BICRA: variants seen among roughly 807,000 people sequenced by gnomAD.
BICRA encodes the protein BRD4-interacting chromatin-remodeling complex-associated protein.
In BICRA, 31 loss-of-function variants were observed where a neutral mutation model predicts 96.9. The ratio of observed to expected loss-of-function variants is 0.32; its 90% CI spans 0.24 to 0.43. The LOEUF (loss-of-function observed/expected upper bound fraction) is 0.43. BICRA is among the 20% of genes least tolerant of loss of function. The pLI, the probability that BICRA is intolerant of heterozygous loss-of-function variation, is 1.00. For synonymous variants in BICRA, 1,350 were observed against 1,071.8 expected (o/e 1.26, Z -5.07); for missense variants, 2,283 against 2,190.3 (o/e 1.04, Z -0.84).
At chr19:47,668,622 C>T (rs1057140507) in intron 1 of BICRA, among the ~76,000 whole-genome samples, 28 of 151,690 alleles carry the variant, frequency 1.8e-4, no homozygotes, top group African/African-American at 3.9e-4. Flanking sequence ...TGAGTAGGCA[C>T]GACTACAGGC....
Position 47,699,506 on chromosome 19 carries a change from C to G in BICRA, c.3595+101C>G. On this transcript the variant is annotated intron_variant, in intron 14 of 14. Coordinates refer to ENST00000594866, the MANE Select transcript of BICRA (RefSeq NM_001394372.1). This position sits in a 1 kb window ranked among gnomAD's most constrained non-coding sequence, Gnocchi z 5.0. ...GCGGGGAGTGGGTGTGTGGCCCTAC[C>G]TCACTCCACCACTAGGCGGTGCCCC... is the stretch of plus-strand genomic sequence containing the variant. 1 of 707,172 alleles carries G rather than the reference C, an allele frequency of 1.4e-6. No homozygotes were observed. The highest frequency in any genetic ancestry group is 1.6e-5 in the South Asian group (1 of 61,206). 43.8% of individuals were successfully genotyped at this position (707,172 alleles called of 1,614,324 possible). A position where few individuals can be genotyped will look rare whatever the true frequency, so the allele number is the denominator to read the frequency against.
chr19:47,695,465 C>T lies in BICRA; in HGVS notation c.3177C>T (p.Ser1059=), dbSNP rs189817920. Residue 1059 remains serine (S), a synonymous_variant, in exon 10 of 15, where the codon TCC becomes TCT. Coordinates refer to ENST00000594866, the MANE Select transcript of BICRA (RefSeq NM_001394372.1). ...KAASSGPGKP[S]GLQYESKLSG... is the part of the protein sequence containing the mutation. ...CTTCCTCCGGGCCAGGGAAGCCCTCCGGGCTGCAGGTAAGGGGCCCTTAGA... is the reference window on the plus strand; with the variant it reads ...CTTCCTCCGGGCCAGGGAAGCCCTCTGGGCTGCAGGTAAGGGGCCCTTAGA... 1.1e-4 allele frequency: 166 copies of T among 1,543,466 alleles called. 1 individual carries two copies. In the East Asian group the frequency reaches 3.1e-3, roughly 29 times the overall value.
At chr19:47,648,252 C>T (rs976335458) in intron 1 of BICRA, among the ~76,000 whole-genome samples, 10 of 151,794 alleles carry the variant, frequency 6.6e-5, no homozygotes, top group Non-Finnish European at 8.8e-5. Flanking sequence ...CGTGCCCTTT[C>T]ACCTCCTCTC....
intron 1 of BICRA, among the ~76,000 whole-genome samples, chr19:47,629,806 C>G (rs572640528): frequency 1.3e-5 from 2 of 152,086 alleles, no homozygotes; most frequent in Non-Finnish European, 2.9e-5. Context: ...TACAGGCACC[C>G]ACCACCATAC....
At position 47,694,310 on chromosome 19, in the gene BICRA, G is replaced by GCCCCCCCCCCC; in HGVS notation, c.2486_2487insCCCCCCCCCCC (p.Thr830ProfsTer16). On this transcript the variant is annotated frameshift_variant, in exon 8 of 15. Transcript: ENST00000594866. LOFTEE classifies it high-confidence loss of function. The stretch of plus-strand genomic sequence containing the variant: ...CTTGCACCCTTGCCCCCCACCCCAG[G>GCCCCCCCCCCC]CCCCCCCAACTCTGCCTGGCATCTT... 1 of 879,260 alleles carries GCCCCCCCCCCC rather than the reference G, an allele frequency of 1.1e-6. No individual in the cohort carries two copies. Among genetic ancestry groups the GCCCCCCCCCCC allele is most frequent in the South Asian group, 2.0e-5 (1 of 49,524 alleles). 54.5% of individuals were successfully genotyped at this position (879,260 alleles called of 1,614,324 possible). A position where few individuals can be genotyped will look rare whatever the true frequency, so the allele number is the denominator to read the frequency against.
chr19:47,670,125 C>G (rs954568441), intron 1 of BICRA, among the ~76,000 whole-genome samples: 4 of 151,584 alleles, frequency 2.6e-5, no homozygotes, highest in Non-Finnish European at 5.9e-5. Context: ...AAAAAACTTT[C>G]TTTTTGTAGA....
intron 1 of BICRA, among the ~76,000 whole-genome samples, chr19:47,609,672 C>A (rs1288011041): frequency 6.6e-6 from 1 of 151,834 alleles, no homozygotes; most frequent in Admixed American, 6.5e-5. Context: ...AAGGCGAAGG[C>A]CACCGGGCAG....
chr19:47,674,822 A>G lies in BICRA; in HGVS notation c.85-1029A>G, dbSNP rs114611082. On this transcript the variant is annotated intron_variant, in intron 4 of 14. Transcript: ENST00000594866. ...GTGATCCGAGAGAGGACACAGGAGG[A>G]ACCCGCAGTGCCCTTAATGACCCAG... Among the ~76,000 whole-genome samples the G allele has an allele frequency of 7.3e-3, 1,117 of 152,294 alleles. 9 individuals are homozygous for G. The highest frequency in any genetic ancestry group is 0.026 in the African/African-American group (1,060 of 41,562).
intron 7 of BICRA, 113 bp from the exon 8 acceptor site, chr19:47,694,002 C>A: frequency 7.7e-7 from 1 of 1,290,986 alleles, no homozygotes; most frequent in Non-Finnish European, 1.0e-6. Context: ...TGGGTGTGGG[C>A]TAGGAAGGGG....
Position 47,679,652 on chromosome 19 carries a change from C to A in BICRA, c.482C>A (p.Pro161Gln). Residue 161 changes from proline (P) to glutamine (Q), a missense_variant, in exon 6 of 15, where the codon CCA becomes CAA. Coordinates refer to ENST00000594866, the MANE Select transcript of BICRA (RefSeq NM_001394372.1). ...AVAAGPQALF[P>Q]GSTDLLGLQG... ...GCTGCGGGGCCCCAAGCCCTCTTCC[C>A]AGGCAGCACCGACCTGCTGGGGCTG... 6.6e-7 allele frequency: 1 copy of A among 1,511,650 alleles called. No homozygotes were observed. The allele number at this position is 1,511,650 out of a possible 1,614,324, so 93.6% of individuals were successfully genotyped here.
chr19:47,636,199 G>A (rs896625431), intron 1 of BICRA, among the ~76,000 whole-genome samples: 1 of 152,058 alleles, frequency 6.6e-6, no homozygotes, highest in African/African-American at 2.4e-5. Context: ...TCAGGTTAAG[G>A]GATGCTCAAC....
intron 1 of BICRA, among the ~76,000 whole-genome samples, chr19:47,653,148 A>G (rs1972565887): frequency 6.6e-6 from 1 of 150,606 alleles, no homozygotes. Flanking sequence ...CTCAGACTCC[A>G]GAGTAGCTGG....
chr19:47,656,480 G>A (rs911674651), intron 1 of BICRA, among the ~76,000 whole-genome samples: 1 of 152,140 alleles, frequency 6.6e-6, no homozygotes, highest in African/African-American at 2.4e-5. Context: ...ACCTAACTTT[G>A]TATTTCCCCC....
intron 1 of BICRA, among the ~76,000 whole-genome samples, chr19:47,622,672 C>T (rs1342416268): frequency 2.9e-5 from 4 of 137,854 alleles, no homozygotes; most frequent in South Asian, 2.2e-4. Context: ...TGCAGTGAGC[C>T]GAGATTGTGC....
rs141802949 is a variant in BICRA at position 47,685,799 on chromosome 19, G to GCGCGCGCGCGCGCA, written c.2283+3648_2283+3649insGCGCGCGCGCGCAC. On this transcript the variant is annotated intron_variant, in intron 7 of 14. Transcript: ENST00000594866. ...TGTGTGTGTGTGTGCGCGCGCGCGC[G>GCGCGCGCGCGCGCA]CATGCGTACATTTTCCCTTTGTGTT... Among the ~76,000 whole-genome samples, 293 of 148,810 alleles carry GCGCGCGCGCGCGCA rather than the reference G, an allele frequency of 2.0e-3. 1 individual carries two copies. Among genetic ancestry groups the GCGCGCGCGCGCGCA allele is most frequent in the Admixed American group, 3.6e-3 (54 of 14,910 alleles).
At chr19:47,619,061 C>T (rs971671184) in intron 1 of BICRA, among the ~76,000 whole-genome samples, 4 of 152,166 alleles carry the variant, frequency 2.6e-5, no homozygotes, top group Admixed American at 6.5e-5. Context: ...GGAGTTCTCC[C>T]TGGGAGAAGT....
chr19:47,621,578 A>C (rs760621734), intron 1 of BICRA, among the ~76,000 whole-genome samples: 1 of 149,242 alleles, frequency 6.7e-6, no homozygotes, highest in Admixed American at 6.7e-5. Context: ...GGTTCAAGCA[A>C]TTCTCCTGCC....
chr19:47,689,573 T>C (rs1280523892), intron 7 of BICRA, among the ~76,000 whole-genome samples: 1 of 151,812 alleles, frequency 6.6e-6, no homozygotes, highest in Non-Finnish European at 1.5e-5. Context: ...CATCCCGCCC[T>C]GCTAATTTCT....
chr19:47,658,990 T>G (rs1393785427), intron 1 of BICRA, among the ~76,000 whole-genome samples: 2 of 152,166 alleles, frequency 1.3e-5, no homozygotes, highest in African/African-American at 4.8e-5. Context: ...TACTTTACCC[T>G]CTCCCAGGGT....
Sources: allele counts gnomAD v4.1 joint callset (sites outside exome capture counted in the v4.1 genomes callset), GRCh38; gene constraint gnomAD v4.1.1; non-coding constraint Gnocchi (gnomAD v3.1); transcripts MANE v1.5; gene names NCBI Gene and HGNC (gene_info 2026-07-23, HGNC 2026-07-21).